SEMA5A: variants seen among roughly 807,000 people sequenced by gnomAD.
SEMA5A encodes the protein semaphorin 5A.
SEMA5A carries 55 observed loss-of-function variants against 135.5 expected under a neutral mutation model. The ratio of observed to expected loss-of-function variants is 0.41; its 90% CI spans 0.33 to 0.51. The LOEUF is 0.51. SEMA5A is among the 20% of genes least tolerant of loss of function. The pLI is 0.37. For synonymous variants in SEMA5A, 580 were observed against 546.5 expected, an observed-to-expected ratio of 1.06 and a Z score of -0.85; for missense variants, 1,290 against 1,419.9, an observed-to-expected ratio of 0.91 and a Z score of 1.47.
chr5:9,214,183 A>G (rs979886036), intron 8 of SEMA5A, among the ~76,000 whole-genome samples: 3 of 152,224 alleles, frequency 2.0e-5, no homozygotes, highest in Admixed American at 1.3e-4. Context: ...ATTGCTCCTT[A>G]AAGGACACCA....
chr5:9,462,540 G>A (rs1759096242), intron 1 of SEMA5A, among the ~76,000 whole-genome samples: 1 of 152,088 alleles, frequency 6.6e-6, no homozygotes, highest in Non-Finnish European at 1.5e-5. Flanking sequence ...GTTCATTGCA[G>A]CACTATTCAC....
chr5:9,151,367 T>C (rs1742626359), intron 12 of SEMA5A, among the ~76,000 whole-genome samples: 1 of 152,214 alleles, frequency 6.6e-6, no homozygotes, highest in South Asian at 2.1e-4. Flanking sequence ...GGTTTTCCAA[T>C]AATAAATGGC....
chr5:9,273,367 G>A (rs1345740058), intron 5 of SEMA5A, among the ~76,000 whole-genome samples: 1 of 152,038 alleles, frequency 6.6e-6, no homozygotes, highest in African/African-American at 2.4e-5. Context: ...GTTTGATTGG[G>A]CTACCTTAAA....
At chr5:9,330,345 A>G (rs999031786) in intron 4 of SEMA5A, among the ~76,000 whole-genome samples, 4 of 151,488 alleles carry the variant, frequency 2.6e-5, no homozygotes, top group South Asian at 2.1e-4. Flanking sequence ...AGCTGAGATC[A>G]CACCACTGCA....
At chr5:9,149,687 C>T (rs990525117) in intron 12 of SEMA5A, among the ~76,000 whole-genome samples, 1 of 152,146 alleles carries the variant, frequency 6.6e-6, no homozygotes, top group Non-Finnish European at 1.5e-5. Context: ...ATCAGCGGCC[C>T]TCCCATCACC....
At chr5:9,334,048 A>G (rs1480009214) in intron 4 of SEMA5A, among the ~76,000 whole-genome samples, 1 of 152,160 alleles carries the variant, frequency 6.6e-6, no homozygotes, top group African/African-American at 2.4e-5. Flanking sequence ...CCGATTCTCC[A>G]TAACCACAAA....
chr5:9,161,231 G>A (rs1426030289), intron 11 of SEMA5A, among the ~76,000 whole-genome samples: 1 of 152,026 alleles, frequency 6.6e-6, no homozygotes, highest in African/African-American at 2.4e-5. Flanking sequence ...CATTTCATGG[G>A]AACGCAGTGA....
At chr5:9,256,704 G>C (rs189510497) in intron 5 of SEMA5A, among the ~76,000 whole-genome samples, 99 of 152,214 alleles carry the variant, frequency 6.5e-4, no homozygotes, top group African/African-American at 2.0e-3. Context: ...CCTGTACTTG[G>C]AAGTCTGACT....
At chr5:9,076,219 A>T (rs1192105416) in intron 16 of SEMA5A, among the ~76,000 whole-genome samples, 1 of 151,902 alleles carries the variant, frequency 6.6e-6, no homozygotes, top group African/African-American at 2.4e-5. Flanking sequence ...AAAAAAAAAA[A>T]AAAAGAAATT....
chr5:9,545,104 T>C lies in SEMA5A; in HGVS notation c.-175+480A>G, dbSNP rs1230476754. 6.6e-6 allele frequency among the ~76,000 whole-genome samples: 1 copy of C among 152,072 alleles called. No homozygotes were observed. Among genetic ancestry groups the C allele is most frequent in the Non-Finnish European group, 1.5e-5 (1 of 68,012 alleles). ...AAGTCCCATTGCCTCCCGGTTCCCC[T>C]GTAAGGAAAGCAGGAAAACCTGCCC... is the stretch of plus-strand genomic sequence containing the variant. On this transcript the variant is annotated intron_variant, in intron 1 of 22. Transcript: ENST00000382496. The surrounding 1 kb of genome is among the most constrained non-coding windows in gnomAD (Gnocchi z 4.5).
intron 5 of SEMA5A, among the ~76,000 whole-genome samples, chr5:9,254,361 T>G (rs1748954442): frequency 6.6e-6 from 1 of 152,156 alleles, no homozygotes; most frequent in African/African-American, 2.4e-5. Context: ...TACACAGCGA[T>G]GCCCAGCCCA....
chr5:9,322,872 C>T (rs141192231), intron 4 of SEMA5A, among the ~76,000 whole-genome samples: 19 of 152,280 alleles, frequency 1.2e-4, no homozygotes, highest in African/African-American at 4.6e-4. Context: ...AGCTCTTATG[C>T]TACTACCATT....
intron 5 of SEMA5A, among the ~76,000 whole-genome samples, chr5:9,247,786 ATT>A (rs1748555174): frequency 6.6e-6 from 1 of 152,102 alleles, no homozygotes; most frequent in Non-Finnish European, 1.5e-5. Flanking sequence ...GAACACGAAA[ATT>A]TGTTTTCTAG....
intron 12 of SEMA5A, among the ~76,000 whole-genome samples, chr5:9,154,272 T>C (rs920688146): frequency 6.6e-6 from 1 of 151,626 alleles, no homozygotes; most frequent in African/African-American, 2.4e-5. Flanking sequence ...ACAGGTATTA[T>C]AACGTGGCTC....
At position 9,035,911 on chromosome 5, in the gene SEMA5A, C is replaced by G. The variant is rs1460296379; in HGVS notation, c.*6986G>C. 1 of 140,012 alleles carries G rather than the reference C, an allele frequency of 7.1e-6. No homozygotes were observed. 8.7% of individuals were successfully genotyped at this position (140,012 alleles called of 1,614,324 possible). ...TTAAAATTAAATTTAAGATCAGTAACTGTCTGCAAGCTTACCAAGGGCTGA... is the reference window on the plus strand; with the variant it reads ...TTAAAATTAAATTTAAGATCAGTAAGTGTCTGCAAGCTTACCAAGGGCTGA... On this transcript the variant is annotated 3_prime_UTR_variant, in exon 23 of 23. Transcript: ENST00000382496.
intron 2 of SEMA5A, among the ~76,000 whole-genome samples, chr5:9,396,529 G>A (rs1756409657): frequency 6.6e-6 from 1 of 151,950 alleles, no homozygotes; most frequent in African/African-American, 2.4e-5. Context: ...CCAAGCCAGA[G>A]CCCCCACTCT....
intron 11 of SEMA5A, among the ~76,000 whole-genome samples, chr5:9,175,712 A>G (rs1744167134): frequency 6.6e-6 from 1 of 152,244 alleles, no homozygotes; most frequent in African/African-American, 2.4e-5. Flanking sequence ...TGTAGAGCAA[A>G]TAACCAACGT....
chr5:9,478,905 C>G (rs980502690), intron 1 of SEMA5A, among the ~76,000 whole-genome samples: 1 of 152,182 alleles, frequency 6.6e-6, no homozygotes, highest in African/African-American at 2.4e-5. Context: ...TGGCTTGGCT[C>G]TGTGTCCCCA....
intron 12 of SEMA5A, among the ~76,000 whole-genome samples, chr5:9,149,315 T>A (rs1742505547): frequency 6.6e-6 from 1 of 152,122 alleles, no homozygotes; most frequent in African/African-American, 2.4e-5. Context: ...AACATGCTGA[T>A]CCACTCCACA....
Sources: allele counts gnomAD v4.1 joint callset (sites outside exome capture counted in the v4.1 genomes callset), GRCh38; gene constraint gnomAD v4.1.1; non-coding constraint Gnocchi (gnomAD v3.1); transcripts MANE v1.5; gene names NCBI Gene and HGNC (gene_info 2026-07-23, HGNC 2026-07-21).